SLC44A2: variants seen among roughly 807,000 people sequenced by gnomAD.
SLC44A2 encodes solute carrier family 44 member 2 (CTL2 blood group), also known as choline transporter-like protein 2.
SLC44A2 carries 57 observed loss-of-function variants against 90.8 expected under a neutral mutation model. The ratio of observed to expected loss-of-function variants is 0.63; its 90% CI spans 0.51 to 0.78. SLC44A2 has a LOEUF of 0.78. Ranked by LOEUF, SLC44A2 falls within the 30% of genes least tolerant of loss-of-function variation. SLC44A2 has a pLI of 0.00. For synonymous variants in SLC44A2, 355 were observed against 360.7 expected, an observed-to-expected ratio of 0.98 and a Z score of 0.18; for missense variants, 794 against 919.7, an observed-to-expected ratio of 0.86 and a Z score of 1.77.
At chr19:10,605,908 T>C (rs560948589) in intron 1 of SLC44A2, among the ~76,000 whole-genome samples, 1 of 150,652 alleles carries the variant, frequency 6.6e-6, no homozygotes, top group South Asian at 2.1e-4. Flanking sequence ...ACAGGAGAAC[T>C]GATTGAACCT....
In SLC44A2 at chr19:10,635,509, C is replaced by A. The variant is rs771063737; in HGVS notation, c.1227C>A (p.Asn409Lys). ...SPCPFTAKTCNPETFPSSNES... is the reference protein window; with the variant it reads ...SPCPFTAKTCKPETFPSSNES... ...GCCCATTTACTGCGAAAACCTGCAA[C>A]CCAGAGGTGGGCGTCCCCGGGGTGG... The change falls in exon 14 of 22, where the codon AAC becomes AAA. Residue 409 changes from asparagine (N) to lysine (K), a missense_variant. Asn to Lys is a moderately conservative substitution (Grantham distance 94). This residue lies in a region of SLC44A2 where 738 missense variants were observed against 841.1 expected (regional missense o/e 0.88). Coordinates refer to ENST00000335757, the MANE Select transcript of SLC44A2 (RefSeq NM_020428.4). The A allele has an allele frequency of 6.2e-7, 1 of 1,612,804 alleles. No homozygotes were observed. The highest frequency in any genetic ancestry group is 1.3e-5 in the African/African-American group (1 of 74,814).
intron 1 of SLC44A2, among the ~76,000 whole-genome samples, chr19:10,616,677 C>T (rs1481775598): frequency 6.6e-6 from 1 of 151,862 alleles, no homozygotes; most frequent in East Asian, 2.0e-4. Context: ...CCAGCCTGGC[C>T]AATATGGTGA....
chr19:10,630,179 G>A lies in SLC44A2; in HGVS notation c.246-878G>A, dbSNP rs1348114887. ...AGCCTGGGCAACATGGTGAAATTCT[G>A]TCGCTACCAATAATAGAAAAAATTA... On this transcript the variant is annotated intron_variant, in intron 4 of 21. Coordinates refer to ENST00000335757, the MANE Select transcript of SLC44A2 (RefSeq NM_020428.4). Among the ~76,000 whole-genome samples the A allele has an allele frequency of 2.0e-5, 3 of 151,850 alleles. No individual in the cohort carries two copies. The South Asian group carries it at 6.2e-4, about 32-fold the overall frequency.
At chr19:10,619,905 A>C (rs531252542) in intron 1 of SLC44A2, among the ~76,000 whole-genome samples, 2 of 152,196 alleles carry the variant, frequency 1.3e-5, no homozygotes, top group South Asian at 4.1e-4. Context: ...CAGTGAGCCA[A>C]GATCATGCCA....
At chr19:10,637,004 G>T (rs1568454413) in intron 16 of SLC44A2, 2 of 515,912 alleles carry the variant, frequency 3.9e-6, no homozygotes, top group Non-Finnish European at 3.5e-6. Flanking sequence ...GCCCACCATT[G>T]GTTATTACCA....
At chr19:10,624,293 G>A (rs889963238), upstream of SLC44A2, among the ~76,000 whole-genome samples, 1 of 151,760 alleles carries the variant, frequency 6.6e-6, no homozygotes, top group African/African-American at 2.4e-5. Context: ...ACCACACCCA[G>A]CCTATTTTCT....
In SLC44A2 at chr19:10,627,815, G is replaced by A. The variant is rs1288547245; in HGVS notation, c.160+20G>A. On this transcript the variant is annotated intron_variant, in intron 3 of 21. Coordinates refer to ENST00000335757, the MANE Select transcript of SLC44A2 (RefSeq NM_020428.4). ...TCATAGGTGAGTAGAGAATGAGCAGGACTTGGAGTTGCAGGGTAGGCGGAG... is the reference window on the plus strand; with the variant it reads ...TCATAGGTGAGTAGAGAATGAGCAGAACTTGGAGTTGCAGGGTAGGCGGAG... The A allele has an allele frequency of 1.2e-6, 2 of 1,614,114 alleles. No individual in the cohort carries two copies. The highest frequency in any genetic ancestry group is 1.7e-6 in the Non-Finnish European group (2 of 1,179,986).
rs1568448457 is a variant in SLC44A2 at position 10,627,917 on chromosome 19, C to T, written c.161-3C>T. 3.1e-6 allele frequency: 5 copies of T among 1,613,886 alleles called. No homozygotes were observed. The highest frequency in any genetic ancestry group is 1.7e-5 in the Admixed American group (1 of 59,956). On this transcript the variant is annotated splice_region_variant and splice_polypyrimidine_tract_variant and intron_variant, in intron 3 of 21. Transcript: ENST00000335757. ...GTCTCAGTATCCCTGGATCTTTCCA[C>T]AGCCTGGACTCATGGAGACCCTCGA...
chr19:10,634,319 C>G (rs1266547403), intron 10 of SLC44A2, among the ~76,000 whole-genome samples: 1 of 151,236 alleles, frequency 6.6e-6, no homozygotes, highest in African/African-American at 2.4e-5. Context: ...ACAAAATTAG[C>G]CGGGCATGGT....
chr19:10,637,771 C>G, intron 17 of SLC44A2, 24 bp downstream of exon 17: 1 of 1,613,528 alleles, frequency 6.2e-7, no homozygotes, highest in Non-Finnish European at 8.5e-7. Flanking sequence ...GGACCCCCAA[C>G]CAACCCGCCA....
chr19:10,615,135 A>C (rs989904738), intron 1 of SLC44A2, among the ~76,000 whole-genome samples: 4 of 151,890 alleles, frequency 2.6e-5, no homozygotes, highest in Non-Finnish European at 5.9e-5. Context: ...TGGATCATCA[A>C]AAAGGTTTTC....
At chr19:10,613,894 G>A (rs2066834131) in intron 1 of SLC44A2, among the ~76,000 whole-genome samples, 1 of 152,048 alleles carries the variant, frequency 6.6e-6, no homozygotes, top group African/African-American at 2.4e-5. Context: ...ATCGATTGTA[G>A]CCCAGTGAGA....
chr19:10,638,442 A>G (rs181632497), intron 20 of SLC44A2, 127 bp downstream of exon 20: 1 of 926,920 alleles, frequency 1.1e-6, no homozygotes, highest in East Asian at 2.4e-5. Flanking sequence ...TTCAGACCAC[A>G]AACTTTTTGT....
chr19:10,632,990 T>C (rs2067014107), intron 10 of SLC44A2, among the ~76,000 whole-genome samples: 1 of 151,690 alleles, frequency 6.6e-6, no homozygotes, highest in Non-Finnish European at 1.5e-5. Flanking sequence ...TTTATTTCTC[T>C]ATAAAATGAG....
upstream of SLC44A2, among the ~76,000 whole-genome samples, chr19:10,624,379 C>T (rs1049458110): frequency 5.3e-5 from 8 of 151,924 alleles, no homozygotes; most frequent in Admixed American, 5.2e-4. Flanking sequence ...TCTTGGCTCA[C>T]TGCAACCTCC....
At chr19:10,625,344 G>GT, upstream of SLC44A2, 1 of 633,910 alleles carries the variant, frequency 1.6e-6, no homozygotes, top group African/African-American at 1.9e-5. Context: ...CGGTGGCAGG[G>GT]TGTTCCCAGG....
At position 10,635,371 on chromosome 19, in the gene SLC44A2, T is replaced by A. The variant is rs1212481687; in HGVS notation, c.1149-60T>A. The A allele has an allele frequency of 2.5e-6, 4 of 1,609,346 alleles. No homozygotes were observed. In the African/African-American group the frequency reaches 5.3e-5, roughly 22 times the overall value. On this transcript the variant is annotated intron_variant, in intron 13 of 21. Transcript: ENST00000335757. ...GAAACTGGTGGGAGAATGGATTCTTTCCCACAAAAGTCCCTGGGGTCCTCA... is the reference window on the plus strand; with the variant it reads ...GAAACTGGTGGGAGAATGGATTCTTACCCACAAAAGTCCCTGGGGTCCTCA...
At chr19:10,632,551 A>G (rs1308626769) in intron 10 of SLC44A2, among the ~76,000 whole-genome samples, 1 of 151,830 alleles carries the variant, frequency 6.6e-6, no homozygotes, top group Non-Finnish European at 1.5e-5. Flanking sequence ...AAAAAAAAAA[A>G]AGAAAAAATG....
At chr19:10,629,722 GGCCTGAGCCACCCT>G (rs1422027026) in intron 4 of SLC44A2, among the ~76,000 whole-genome samples, 1 of 151,750 alleles carries the variant, frequency 6.6e-6, no homozygotes, top group African/African-American at 2.4e-5. Flanking sequence ...GCACAAGACA[GGCCTGAGCCACCCT>G]GCCTGGCCCT....
Sources: gnomAD v4.1 joint callset for allele counts (sites outside exome capture counted in the v4.1 genomes callset) on GRCh38, gnomAD v4.1.1 for gene constraint, gnomAD v4.1.1 regional missense constraint, MANE v1.5 for transcripts, NCBI Gene and HGNC (gene_info 2026-07-23, HGNC 2026-07-21) for gene names.